SYN3: variants seen among roughly 807,000 people sequenced by gnomAD.
SYN3 encodes synapsin-3.
A neutral mutation model predicts 65.8 loss-of-function variants in SYN3; 35 were observed. The ratio of observed to expected loss-of-function variants is 0.53; its 90% CI spans 0.41 to 0.70. SYN3 has a LOEUF of 0.70. Among genes scored for constraint, SYN3 ranks in the 30% least tolerant of loss-of-function variants. The pLI, the probability that SYN3 is intolerant of heterozygous loss-of-function variation, is 0.00. For synonymous variants in SYN3, 270 were observed against 292.9 expected, an observed-to-expected ratio of 0.92 and a Z score of 0.80; for missense variants, 680 against 749.0, an observed-to-expected ratio of 0.91 and a Z score of 1.08.
At chr22:32,956,651 A>G (rs1041808620) in intron 3 of SYN3, among the ~76,000 whole-genome samples, 5 of 152,218 alleles carry the variant, frequency 3.3e-5, no homozygotes, top group Non-Finnish European at 5.9e-5. Flanking sequence ...TTGTTTGGAC[A>G]TAGCACATTT....
chr22:32,960,827 C>A (rs1177688111), intron 3 of SYN3, among the ~76,000 whole-genome samples: 1 of 152,120 alleles, frequency 6.6e-6, no homozygotes, highest in Non-Finnish European at 1.5e-5. Flanking sequence ...GCTCTGGGAT[C>A]TTGGGGAAAT....
intron 7 of SYN3, among the ~76,000 whole-genome samples, chr22:32,592,429 A>T (rs2059140699): frequency 6.6e-6 from 1 of 152,208 alleles, no homozygotes; most frequent in African/African-American, 2.4e-5. Flanking sequence ...CACTCCCAAA[A>T]TGGCACAGAG....
At chr22:32,899,498 G>A (rs554263006) in intron 4 of SYN3, among the ~76,000 whole-genome samples, 10 of 152,316 alleles carry the variant, frequency 6.6e-5, no homozygotes, top group Middle Eastern at 3.4e-3. Flanking sequence ...AAGAAGGAGC[G>A]TGTGTGCAGG....
chr22:32,735,891 G>C (rs1325935260), intron 6 of SYN3, among the ~76,000 whole-genome samples: 1 of 152,178 alleles, frequency 6.6e-6, no homozygotes, highest in Non-Finnish European at 1.5e-5. Flanking sequence ...TGGCTGACCC[G>C]AGGGCAGAGA....
chr22:32,751,422 C>T (rs2045120781), intron 6 of SYN3, among the ~76,000 whole-genome samples: 1 of 152,158 alleles, frequency 6.6e-6, no homozygotes, highest in Admixed American at 6.5e-5. Context: ...GGAAACAAGG[C>T]ATGCCCCTCC....
At chr22:32,946,555 G>T (rs1360324165) in intron 3 of SYN3, among the ~76,000 whole-genome samples, 1 of 150,266 alleles carries the variant, frequency 6.7e-6, no homozygotes, top group African/African-American at 2.4e-5. Flanking sequence ...GGCCGGGGGA[G>T]GGGGAGGGAT....
intron 12 of SYN3, 135 bp downstream of exon 12, chr22:32,527,783 G>T: frequency 1.4e-6 from 1 of 717,822 alleles, no homozygotes; most frequent in Non-Finnish European, 2.3e-6. Flanking sequence ...CAACCCCATA[G>T]TCTCATTCAT....
chr22:32,963,999 C>T (rs1424229739), intron 3 of SYN3, among the ~76,000 whole-genome samples: 2 of 151,994 alleles, frequency 1.3e-5, no homozygotes, highest in South Asian at 2.1e-4. Flanking sequence ...TGAGCCTTCC[C>T]GTCTCCTCCC....
intron 6 of SYN3, among the ~76,000 whole-genome samples, chr22:32,785,571 C>T (rs1016434047): frequency 1.3e-5 from 2 of 152,162 alleles, no homozygotes; most frequent in Admixed American, 1.3e-4. Context: ...CTCGTGCATC[C>T]CACTGTGCAT....
intron 3 of SYN3, among the ~76,000 whole-genome samples, chr22:32,972,600 G>A (rs1218635779): frequency 6.6e-6 from 1 of 152,228 alleles, no homozygotes; most frequent in East Asian, 1.9e-4. Context: ...AAGGTAGAAA[G>A]AAGGCAGCAA....
At chr22:32,774,780 G>C (rs1338033316) in intron 6 of SYN3, among the ~76,000 whole-genome samples, 6 of 152,154 alleles carry the variant, frequency 3.9e-5, no homozygotes, top group Non-Finnish European at 8.8e-5. Flanking sequence ...TTTTAGTAGA[G>C]ATGGGGTTTC....
rs137505 is a variant in SYN3 at position 32,882,053 on chromosome 22, C to CA, written c.462-12929dup. On this transcript the variant is annotated intron_variant, in intron 4 of 13. Transcript: ENST00000358763. Reference sequence around the variant, plus strand: ...CTGGCGACAGAGCGAGACTCTGTCTCAAAAAAAAAAAAAAAGGAACCTCGA... The same window carrying CA: ...CTGGCGACAGAGCGAGACTCTGTCTCAAAAAAAAAAAAAAAAGGAACCTCGA... Among the ~76,000 whole-genome samples, 420 of 136,452 alleles carry CA rather than the reference C, an allele frequency of 3.1e-3. 2 individuals carry two copies. Among genetic ancestry groups the CA allele is most frequent in the South Asian group, 8.9e-3 (37 of 4,162 alleles). The allele number at this position is 136,452 out of a possible 152,430, so 89.5% of individuals were successfully genotyped here.
chr22:32,631,994 G>A (rs2059753395), intron 6 of SYN3, among the ~76,000 whole-genome samples: 2 of 152,198 alleles, frequency 1.3e-5, no homozygotes, highest in South Asian at 2.1e-4. Flanking sequence ...ACAAGACAGA[G>A]AGTGAAGAGC....
chr22:32,954,948 TTTTTTTC>T (rs1000398176), intron 3 of SYN3, among the ~76,000 whole-genome samples: 7 of 142,472 alleles, frequency 4.9e-5, no homozygotes, highest in East Asian at 1.9e-4. Context: ...TTTTCTTTTT[TTTTTTTC>T]TTTTCATTTT....
rs200893002 is a variant in SYN3, at chr22:32,539,003, T to C, written c.918-893A>G. Among the ~76,000 whole-genome samples, 3 of 152,034 alleles carry C rather than the reference T, an allele frequency of 2.0e-5. No individual in the cohort carries two copies. The East Asian group carries it at 5.8e-4, about 30-fold the overall frequency. ...AGGAACTGTGTACACTGGGGGAGAATCCAGACAAGCTATCTATCACTAATG... is the reference window on the plus strand; with the variant it reads ...AGGAACTGTGTACACTGGGGGAGAACCCAGACAAGCTATCTATCACTAATG... On this transcript the variant is annotated intron_variant, in intron 8 of 13. Coordinates refer to ENST00000358763, the MANE Select transcript of SYN3 (RefSeq NM_003490.4).
At chr22:32,544,764 C>T (rs2058312040) in intron 7 of SYN3, among the ~76,000 whole-genome samples, 1 of 152,150 alleles carries the variant, frequency 6.6e-6, no homozygotes, top group African/African-American at 2.4e-5. Flanking sequence ...ATGAAAGAAT[C>T]GGGTGAGCGT....
intron 7 of SYN3, among the ~76,000 whole-genome samples, chr22:32,551,538 A>C (rs2058414961): frequency 6.6e-6 from 1 of 151,906 alleles, no homozygotes; most frequent in Admixed American, 6.6e-5. Flanking sequence ...AAAAAAAAAA[A>C]ACAGAGGAGA....
At position 32,520,702 on chromosome 22, in the gene SYN3, C is replaced by A. The variant is rs138551048; in HGVS notation, c.1319-2368G>T. 3.3e-5 allele frequency among the ~76,000 whole-genome samples: 5 copies of A among 152,280 alleles called. No homozygotes were observed. In the East Asian group the frequency reaches 9.7e-4, roughly 29 times the overall value. On this transcript the variant is annotated intron_variant, in intron 12 of 13. Coordinates refer to ENST00000358763, the MANE Select transcript of SYN3 (RefSeq NM_003490.4). The stretch of plus-strand genomic sequence containing the variant: ...GGGGCAAGGACTAGATTTCAGCCAG[C>A]CTCCCTTACCAGATGTCACGTCAGC...
At chr22:32,549,276 CAG>C (rs2146287719) in intron 7 of SYN3, among the ~76,000 whole-genome samples, 1 of 151,438 alleles carries the variant, frequency 6.6e-6, no homozygotes, top group African/African-American at 2.4e-5. Flanking sequence ...TTGTTTGAGA[CAG>C]AGTCTCCCTC....
Sources: gnomAD v4.1 joint callset for allele counts (sites outside exome capture counted in the v4.1 genomes callset) on GRCh38, gnomAD v4.1.1 for gene constraint, MANE v1.5 for transcripts, NCBI Gene and HGNC (gene_info 2026-07-23, HGNC 2026-07-21) for gene names.